CNTN1: variants seen among roughly 807,000 people sequenced by gnomAD.
The protein encoded by CNTN1 is contactin 1.
In CNTN1, 38 loss-of-function variants were observed where a neutral mutation model predicts 126.4. The observed-to-expected ratio is 0.30, with a 90% CI of 0.23 to 0.39. The LOEUF is 0.39. Among genes scored for constraint, CNTN1 ranks in the 10% least tolerant of loss-of-function variants. CNTN1 has a pLI of 1.00. For missense variants in CNTN1, 1,009 were observed against 1,248.4 expected, an observed-to-expected ratio of 0.81 and a Z score of 2.89; for synonymous variants, 413 against 422.6, an observed-to-expected ratio of 0.98 and a Z score of 0.28.
intron 1 of CNTN1, among the ~76,000 whole-genome samples, chr12:40,804,218 C>T (rs1194827602): frequency 6.6e-6 from 1 of 151,936 alleles, no homozygotes; most frequent in Non-Finnish European, 1.5e-5. Context: ...AAATTTCCAT[C>T]TATTCCTTTG....
chr12:40,800,488 TA>T (rs994672471), intron 1 of CNTN1, among the ~76,000 whole-genome samples: 4 of 152,088 alleles, frequency 2.6e-5, no homozygotes, highest in East Asian at 1.9e-4. Context: ...TTATCCTTAT[TA>T]AAAAATAATA....
chr12:41,038,248 G>A (rs763810020), intron 23 of CNTN1, among the ~76,000 whole-genome samples: 32 of 152,180 alleles, frequency 2.1e-4, no homozygotes, highest in Middle Eastern at 3.2e-3. Flanking sequence ...GAAGGTTGAA[G>A]TAGTTGAGTA....
intron 1 of CNTN1, among the ~76,000 whole-genome samples, chr12:40,733,756 A>G (rs1942554530): frequency 6.6e-6 from 1 of 152,094 alleles, no homozygotes; most frequent in African/African-American, 2.4e-5. Context: ...ACTGCCACAC[A>G]GCTCCATTTA....
rs533708144 is a variant in CNTN1, at chr12:41,018,883, G to A, written c.2420-1454G>A. Among the ~76,000 whole-genome samples the A allele has an allele frequency of 2.0e-4, 31 of 152,232 alleles. 1 individual carries two copies. The highest frequency in any genetic ancestry group is 4.1e-4 in the African/African-American group (17 of 41,546). On this transcript the variant is annotated intron_variant, in intron 19 of 23. Transcript: ENST00000551295. ...CAGAAATATGATAACTTGGCTGAGC[G>A]TGGTGGCTCATGCCTATAATCCCAG...
intron 1 of CNTN1, among the ~76,000 whole-genome samples, chr12:40,702,825 T>C (rs933902747): frequency 6.6e-6 from 1 of 152,222 alleles, no homozygotes; most frequent in Non-Finnish European, 1.5e-5. Flanking sequence ...GCCAACACAT[T>C]CTTTTCAGCA....
intron 1 of CNTN1, among the ~76,000 whole-genome samples, chr12:40,817,690 G>A (rs751040669): frequency 2.6e-5 from 4 of 151,804 alleles, no homozygotes; most frequent in Admixed American, 1.3e-4. Context: ...TGTTATGTGC[G>A]AGTTTGATCC....
chr12:40,787,431 C>A (rs1183470076), intron 1 of CNTN1, among the ~76,000 whole-genome samples: 4 of 152,116 alleles, frequency 2.6e-5, no homozygotes, highest in Non-Finnish European at 5.9e-5. Flanking sequence ...TTGCATTTGG[C>A]AGACTCTGCT....
chr12:40,904,836 C>T (rs999922223), intron 1 of CNTN1, among the ~76,000 whole-genome samples: 1 of 152,188 alleles, frequency 6.6e-6, no homozygotes, highest in African/African-American at 2.4e-5. Context: ...CAAGTGACTT[C>T]TGTGTGTCAG....
intron 1 of CNTN1, among the ~76,000 whole-genome samples, chr12:40,851,840 G>T (rs1942726109): frequency 6.6e-6 from 1 of 152,186 alleles, no homozygotes; most frequent in South Asian, 2.1e-4. Context: ...GAAAAATGAA[G>T]TAATGGGTTT....
At chr12:40,745,551 T>C (rs758380709) in intron 1 of CNTN1, among the ~76,000 whole-genome samples, 6 of 152,134 alleles carry the variant, frequency 3.9e-5, no homozygotes, top group Admixed American at 6.6e-5. Context: ...TAAGGGATTA[T>C]GGAGAACAAG....
chr12:40,857,079 T>A (rs1592165344), intron 1 of CNTN1, among the ~76,000 whole-genome samples: 1 of 152,136 alleles, frequency 6.6e-6, no homozygotes, highest in Non-Finnish European at 1.5e-5. Context: ...GGTACATAAC[T>A]TTTTAAGGGG....
At chr12:40,749,036 TCA>T (rs1375387443) in intron 1 of CNTN1, among the ~76,000 whole-genome samples, 2 of 152,124 alleles carry the variant, frequency 1.3e-5, no homozygotes, top group African/African-American at 4.8e-5. Flanking sequence ...GTGAATTATT[TCA>T]GTTTGCTTCT....
At chr12:41,001,679 A>C (rs575805097) in intron 17 of CNTN1, among the ~76,000 whole-genome samples, 1 of 151,982 alleles carries the variant, frequency 6.6e-6, no homozygotes, top group African/African-American at 2.4e-5. Flanking sequence ...GCCCATTCCT[A>C]TCTTCTGAAA....
intron 1 of CNTN1, among the ~76,000 whole-genome samples, chr12:40,824,569 T>C (rs1206304315): frequency 1.3e-5 from 2 of 152,162 alleles, no homozygotes; most frequent in Non-Finnish European, 1.5e-5. Flanking sequence ...TTGTTAACAA[T>C]TGTGCCCTAA....
chr12:40,923,091 A>G (rs1945509856), intron 5 of CNTN1, among the ~76,000 whole-genome samples: 1 of 152,004 alleles, frequency 6.6e-6, no homozygotes, highest in Non-Finnish European at 1.5e-5. Flanking sequence ...ACATATTGCA[A>G]CATAATGTCT....
intron 1 of CNTN1, among the ~76,000 whole-genome samples, chr12:40,838,420 C>T (rs1942149782): frequency 6.6e-6 from 1 of 152,216 alleles, no homozygotes; most frequent in South Asian, 2.1e-4. Context: ...TGAACACCCA[C>T]TTGGCCTACT....
At chr12:40,849,153 G>A (rs1942625896) in intron 1 of CNTN1, among the ~76,000 whole-genome samples, 1 of 152,074 alleles carries the variant, frequency 6.6e-6, no homozygotes, top group Admixed American at 6.5e-5. Context: ...TCATTAAAAT[G>A]GGGATTAGTA....
intron 1 of CNTN1, among the ~76,000 whole-genome samples, chr12:40,769,440 G>A (rs911680943): frequency 7.2e-5 from 11 of 151,946 alleles, no homozygotes; most frequent in African/African-American, 1.9e-4. Flanking sequence ...TTTGCCCATG[G>A]CCAACAATTA....
At chr12:40,927,103 G>A (rs1383432021) in intron 6 of CNTN1, among the ~76,000 whole-genome samples, 1 of 152,020 alleles carries the variant, frequency 6.6e-6, no homozygotes, top group African/African-American at 2.4e-5. Flanking sequence ...ACTGCAATGT[G>A]CTTACCTAGA....
Sources: gnomAD v4.1 joint callset for allele counts (sites outside exome capture counted in the v4.1 genomes callset) on GRCh38, gnomAD v4.1.1 for gene constraint, MANE v1.5 for transcripts, NCBI Gene and HGNC (gene_info 2026-07-23, HGNC 2026-07-21) for gene names.